The following ZDHHC17 variants were observed in gnomAD, a reference collection of about 807,000 sequenced individuals.
ZDHHC17 encodes zDHHC palmitoyltransferase 17.
A neutral mutation model predicts 90.3 loss-of-function variants in ZDHHC17; 40 were observed. The ratio of observed to expected loss-of-function variants is 0.44; its 90% CI spans 0.34 to 0.58. ZDHHC17 has a LOEUF of 0.58. ZDHHC17 is among the 20% of genes least tolerant of loss of function. The probability of loss-of-function intolerance (pLI) is 0.01; values close to 1 mark genes in which losing one functional copy is unlikely to be tolerated. For missense variants in ZDHHC17, 614 were observed against 780.8 expected, an observed-to-expected ratio of 0.79 and a Z score of 2.55; for synonymous variants, 235 against 252.4, an observed-to-expected ratio of 0.93 and a Z score of 0.65.
chr12:76,810,436 G>A (rs7315554), intron 5 of ZDHHC17, among the ~76,000 whole-genome samples: 92,170 of 151,924 alleles, frequency 0.61, 28,000 homozygotes, highest in East Asian at 0.67. Flanking sequence ...TTTTTCTTTA[G>A]TGTGTTTTTT....
In ZDHHC17 at chr12:76,847,357, G is replaced by GCCCCACAGA. The variant is rs563300021; in HGVS notation, c.1507+679_1507+687dup. On this transcript the variant is annotated intron_variant, in intron 14 of 16. Coordinates refer to ENST00000426126, the MANE Select transcript of ZDHHC17 (RefSeq NM_015336.4). The stretch of plus-strand genomic sequence containing the variant: ...GGAAGGATGATTTTCTAGTCTTCCT[G>GCCCCACAGA]CCCCACAGATAGTAAAAATAATCAG... Among the ~76,000 whole-genome samples, 15 of 152,270 alleles carry GCCCCACAGA rather than the reference G, an allele frequency of 9.9e-5. No individual in the cohort carries two copies. In the East Asian group the frequency reaches 2.9e-3, roughly 29 times the overall value.
intron 5 of ZDHHC17, among the ~76,000 whole-genome samples, chr12:76,810,597 AT>A (rs1953007971): frequency 6.6e-6 from 1 of 152,164 alleles, no homozygotes; most frequent in Admixed American, 6.6e-5. Context: ...ATTTCTTTTA[AT>A]GAAGGTTTTA....
chr12:76,834,929 A>G (rs1319212094), intron 10 of ZDHHC17, among the ~76,000 whole-genome samples: 2 of 152,108 alleles, frequency 1.3e-5, no homozygotes, highest in Non-Finnish European at 2.9e-5. Context: ...CTTAAATTAT[A>G]TTGGAGCAGG....
At chr12:76,787,658 T>C (rs1346795202) in intron 1 of ZDHHC17, among the ~76,000 whole-genome samples, 1 of 151,602 alleles carries the variant, frequency 6.6e-6, no homozygotes, top group Non-Finnish European at 1.5e-5. Context: ...TGTGTGTGTG[T>C]GCGCGCGCAG....
chr12:76,818,150 T>TA (rs1953112022), intron 7 of ZDHHC17, among the ~76,000 whole-genome samples: 1 of 152,204 alleles, frequency 6.6e-6, no homozygotes, highest in Admixed American at 6.5e-5. Flanking sequence ...TCTAAGGAAT[T>TA]ATTGTATTTG....
rs1480273554 is a variant in ZDHHC17 at position 76,815,989 on chromosome 12, T to A, written c.741T>A (p.Ala247=). The A allele has an allele frequency of 1.3e-6, 2 of 1,565,172 alleles. No individual in the cohort carries two copies. The highest frequency in any genetic ancestry group is 1.7e-6 in the Non-Finnish European group (2 of 1,155,216). ...NTTVISLLLE[A]GANVDAQNIK... The stretch of plus-strand genomic sequence containing the variant: ...CAGTCATTAGCCTTCTTCTGGAAGC[T>A]GGAGCTAATGTTGATGCCCAGAATA... Residue 247 remains alanine, a synonymous_variant, in exon 7 of 17, where the codon GCT becomes GCA. Transcript: ENST00000426126.
chr12:76,790,591 A>G (rs982422033), intron 1 of ZDHHC17, among the ~76,000 whole-genome samples: 1 of 152,214 alleles, frequency 6.6e-6, no homozygotes, highest in Non-Finnish European at 1.5e-5. Context: ...TTACAAATAC[A>G]TGTATAGATA....
chr12:76,849,742 A>G, intron 16 of ZDHHC17: 1 of 203,604 alleles, frequency 4.9e-6, no homozygotes, highest in Non-Finnish European at 9.7e-6. Flanking sequence ...TAAGTATATG[A>G]AATATTTAAA....
At chr12:76,823,776 G>A (rs1433120026) in intron 8 of ZDHHC17, among the ~76,000 whole-genome samples, 3 of 152,100 alleles carry the variant, frequency 2.0e-5, no homozygotes, top group Non-Finnish European at 4.4e-5. Context: ...CCCCTGGTCC[G>A]TTACTTAGAA....
chr12:76,770,259 A>C (rs1349213932), intron 1 of ZDHHC17, among the ~76,000 whole-genome samples: 2 of 152,236 alleles, frequency 1.3e-5, no homozygotes, highest in African/African-American at 2.4e-5. Context: ...TGTAGTATGC[A>C]TATATTAGAG....
chr12:76,850,188 T>C (rs1289284182), intron 16 of ZDHHC17, among the ~76,000 whole-genome samples: 3 of 152,048 alleles, frequency 2.0e-5, no homozygotes, highest in Non-Finnish European at 4.4e-5. Context: ...GTGCTAGGAT[T>C]ACTTACCGAC....
intron 1 of ZDHHC17, among the ~76,000 whole-genome samples, chr12:76,774,219 C>T (rs1369741916): frequency 2.6e-5 from 4 of 151,894 alleles, no homozygotes; most frequent in South Asian, 2.1e-4. Flanking sequence ...CACTGCACTT[C>T]GGCCTGGATG....
At chr12:76,780,848 G>A (rs1364560385) in intron 1 of ZDHHC17, among the ~76,000 whole-genome samples, 4 of 152,212 alleles carry the variant, frequency 2.6e-5, no homozygotes, top group South Asian at 4.1e-4. Flanking sequence ...TAGGCCGGGC[G>A]CTGTGGCTTC....
intron 4 of ZDHHC17, 40 bp downstream of exon 4, chr12:76,809,160 T>G: frequency 7.1e-7 from 1 of 1,404,294 alleles, no homozygotes; most frequent in Non-Finnish European, 9.6e-7. Flanking sequence ...TTGGTTCCTT[T>G]ATTAGTATAT....
chr12:76,840,063 A>G (rs1350854867), intron 10 of ZDHHC17: 1 of 152,172 alleles, frequency 6.6e-6, no homozygotes. Flanking sequence ...TATCATCTGT[A>G]AAGTGGGGAT....
intron 10 of ZDHHC17, chr12:76,840,386 G>T (rs1592497569): frequency 1.4e-5 from 2 of 147,982 alleles, no homozygotes; most frequent in Middle Eastern, 6.9e-3. Context: ...CTGTTGTCCA[G>T]GCTGGAGTGC....
chr12:76,791,227 G>A (rs192729752), intron 1 of ZDHHC17, among the ~76,000 whole-genome samples: 2 of 152,204 alleles, frequency 1.3e-5, no homozygotes, highest in Admixed American at 6.5e-5. Flanking sequence ...ATTTTATAGG[G>A]GAAACTGGTT....
At chr12:76,785,812 A>G in intron 1 of ZDHHC17, among the ~76,000 whole-genome samples, 1 of 152,184 alleles carries the variant, frequency 6.6e-6, no homozygotes, top group Admixed American at 6.5e-5. Context: ...GGTGTACGTA[A>G]ATGTGTAGGA....
intron 5 of ZDHHC17, among the ~76,000 whole-genome samples, chr12:76,810,353 A>G (rs188135302): frequency 3.3e-5 from 5 of 152,286 alleles, no homozygotes; most frequent in African/African-American, 9.6e-5. Flanking sequence ...GACCATAATC[A>G]CATTAAATAT....
Sources: gnomAD v4.1 joint callset for allele counts (sites outside exome capture counted in the v4.1 genomes callset) on GRCh38, gnomAD v4.1.1 for gene constraint, MANE v1.5 for transcripts, NCBI Gene and HGNC (gene_info 2026-07-23, HGNC 2026-07-21) for gene names.